Variants in FSTL5 observed in about 807,000 individuals in gnomAD.
FSTL5 encodes the protein follistatin like 5, also known as follistatin-related protein 5.
Under a neutral mutation model 89.1 loss-of-function variants are expected in FSTL5, and 62 were observed. That is an observed-to-expected ratio of 0.70 (90% confidence interval 0.57 to 0.86). The LOEUF (loss-of-function observed/expected upper bound fraction) is 0.86, where lower values mean the gene tolerates loss of function less well. Ranked by LOEUF, FSTL5 falls within the 40% of genes least tolerant of loss-of-function variation. FSTL5 has a pLI of 0.00. For missense variants in FSTL5, 1,057 were observed against 1,001.6 expected (o/e 1.06, Z -0.75); for synonymous variants, 383 against 346.2 (o/e 1.11, Z -1.18).
At chr4:161,614,698 T>A (rs1354389445) in intron 7 of FSTL5, among the ~76,000 whole-genome samples, 6 of 152,214 alleles carry the variant, frequency 3.9e-5, no homozygotes, top group Non-Finnish European at 1.5e-5. Context: ...TAATTTACAA[T>A]TATATTCCAA....
At chr4:161,658,640 T>C (rs1200643990) in intron 6 of FSTL5, among the ~76,000 whole-genome samples, 1 of 152,042 alleles carries the variant, frequency 6.6e-6, no homozygotes, top group African/African-American at 2.4e-5. Context: ...CATAAATAAG[T>C]TAAAAATTAT....
chr4:161,839,670 G>A (rs979499824), intron 4 of FSTL5, among the ~76,000 whole-genome samples: 5 of 152,268 alleles, frequency 3.3e-5, no homozygotes, highest in African/African-American at 9.6e-5. Context: ...TCTATTTTAA[G>A]TGGTCAACAT....
At chr4:162,109,383 C>T (rs1333879634) in intron 2 of FSTL5, among the ~76,000 whole-genome samples, 1 of 151,958 alleles carries the variant, frequency 6.6e-6, no homozygotes, top group Non-Finnish European at 1.5e-5. Flanking sequence ...ACACATTCAC[C>T]AAATCTCATC....
chr4:161,904,119 T>C (rs1733453614), intron 4 of FSTL5, among the ~76,000 whole-genome samples: 1 of 152,058 alleles, frequency 6.6e-6, no homozygotes, highest in Non-Finnish European at 1.5e-5. Context: ...CTTTAAAGAA[T>C]AGTTTTTCTC....
chr4:161,928,505 A>G (rs1472849307), intron 3 of FSTL5, among the ~76,000 whole-genome samples: 1 of 151,816 alleles, frequency 6.6e-6, no homozygotes, highest in Non-Finnish European at 1.5e-5. Context: ...CTGTCTTCCA[A>G]AGTGACTGTT....
At chr4:161,669,741 T>C (rs1737030962) in intron 6 of FSTL5, among the ~76,000 whole-genome samples, 1 of 152,130 alleles carries the variant, frequency 6.6e-6, no homozygotes, top group Non-Finnish European at 1.5e-5. Flanking sequence ...GATGACCATA[T>C]TTTACATTCA....
At chr4:161,679,405 G>T (rs1737440327) in intron 6 of FSTL5, among the ~76,000 whole-genome samples, 1 of 151,376 alleles carries the variant, frequency 6.6e-6, no homozygotes, top group Non-Finnish European at 1.5e-5. Context: ...TTAATATTAG[G>T]GAATCTGAAG....
chr4:161,995,355 G>A (rs72693223), intron 3 of FSTL5, among the ~76,000 whole-genome samples: 12,081 of 152,060 alleles, frequency 0.079, 641 homozygotes, highest in East Asian at 0.21. Context: ...GTAACTTGCC[G>A]AACTTTGCAT....
chr4:161,671,642 G>T (rs968077389), intron 6 of FSTL5, among the ~76,000 whole-genome samples: 1 of 151,934 alleles, frequency 6.6e-6, no homozygotes, highest in Non-Finnish European at 1.5e-5. Flanking sequence ...CATGAAAATT[G>T]CTCTCATTTA....
intron 2 of FSTL5, among the ~76,000 whole-genome samples, chr4:162,068,971 A>C (rs1729475010): frequency 6.6e-6 from 1 of 152,140 alleles, no homozygotes; most frequent in African/African-American, 2.4e-5. Flanking sequence ...CATCAGAAAA[A>C]TGGAAATCAA....
chr4:161,656,454 G>C lies in FSTL5; in HGVS notation c.768C>G (p.Ser256Arg). ...QLSLPEDQKL[S>R]ITAATVGQSA... ...TTTGTCCCACAGTTGCTGCAGTGAT[G>C]CTTAGTTTCTGATCTTCTGGCAGAC... Residue 256 changes from serine (S) to arginine (R), a missense_variant, in exon 7 of 16, where the codon AGC becomes AGG. Transcript: ENST00000306100. 1 of 1,603,492 alleles carries C rather than the reference G, an allele frequency of 6.2e-7. No individual in the cohort carries two copies. The highest frequency in any genetic ancestry group is 8.5e-7 in the Non-Finnish European group (1 of 1,175,354).
At chr4:161,997,967 G>A (rs1299915072) in intron 3 of FSTL5, among the ~76,000 whole-genome samples, 1 of 152,106 alleles carries the variant, frequency 6.6e-6, no homozygotes, top group Admixed American at 6.5e-5. Context: ...GGATTATAAT[G>A]TCTGTACCAG....
intron 12 of FSTL5, among the ~76,000 whole-genome samples, chr4:161,494,598 A>G (rs1729999384): frequency 6.6e-6 from 1 of 152,190 alleles, no homozygotes; most frequent in Non-Finnish European, 1.5e-5. Context: ...CTAAGCAAGA[A>G]TTCTTTTCTA....
chr4:162,041,404 C>A (rs1737951604), intron 2 of FSTL5, among the ~76,000 whole-genome samples: 1 of 151,976 alleles, frequency 6.6e-6, no homozygotes, highest in East Asian at 1.9e-4. Flanking sequence ...TAGTATGTTT[C>A]AATGATTCAT....
chr4:161,952,740 T>G (rs1734932058), intron 3 of FSTL5, among the ~76,000 whole-genome samples: 1 of 151,890 alleles, frequency 6.6e-6, no homozygotes, highest in Non-Finnish European at 1.5e-5. Context: ...AATAAAATAA[T>G]GATTCGGGTA....
At chr4:161,393,623 A>G (rs1730896157) in intron 15 of FSTL5, among the ~76,000 whole-genome samples, 1 of 152,186 alleles carries the variant, frequency 6.6e-6, no homozygotes, top group South Asian at 2.1e-4. Context: ...GCAAATTCTA[A>G]TTGGAATAAA....
intron 7 of FSTL5, among the ~76,000 whole-genome samples, chr4:161,595,827 T>G (rs1341230125): frequency 6.6e-6 from 1 of 152,026 alleles, no homozygotes; most frequent in East Asian, 1.9e-4. Context: ...ATGGTAAATT[T>G]TAAATGTTAG....
intron 3 of FSTL5, among the ~76,000 whole-genome samples, chr4:162,028,668 G>T (rs1737393973): frequency 6.6e-6 from 1 of 152,118 alleles, no homozygotes; most frequent in African/African-American, 2.4e-5. Context: ...CTCCATTTCA[G>T]GTATTACTTA....
intron 4 of FSTL5, among the ~76,000 whole-genome samples, chr4:161,834,811 CA>C (rs1247472903): frequency 2.0e-5 from 3 of 152,150 alleles, no homozygotes; most frequent in Middle Eastern, 3.4e-3. Context: ...AGGATACAAA[CA>C]AATGGAAGAA....
Sources: gnomAD v4.1 joint callset for allele counts (sites outside exome capture counted in the v4.1 genomes callset) on GRCh38, gnomAD v4.1.1 for gene constraint, MANE v1.5 for transcripts, NCBI Gene and HGNC (gene_info 2026-07-23, HGNC 2026-07-21) for gene names.